Variants in SLC2A5 observed in about 807,000 individuals in gnomAD.
SLC2A5 encodes solute carrier family 2, facilitated glucose transporter member 5.
Under a neutral mutation model 50.3 loss-of-function variants are expected in SLC2A5, and 56 were observed. That is an observed-to-expected ratio of 1.11 (90% CI 0.90 to 1.39). The LOEUF is 1.39. SLC2A5 is among the 40% of genes most tolerant of loss of function. The pLI is 0.00. For missense variants in SLC2A5, 566 were observed against 650.1 expected (o/e 0.87, Z 1.41); for synonymous variants, 269 against 281.9 (o/e 0.95, Z 0.46).
intron 2 of SLC2A5, among the ~76,000 whole-genome samples, chr1:9,081,280 CCCCA>C (rs1642348828): frequency 1.4e-5 from 1 of 69,456 alleles, no homozygotes; most frequent in African/African-American, 8.2e-5. Flanking sequence ...AAAAAAAAAA[CCCCA>C]AAAAAAAAAA....
Position 9,038,656 on chromosome 1 carries a change from C to T in SLC2A5, c.1099-150G>A, listed in dbSNP as rs548434705. 9.4e-4 allele frequency: 1,179 copies of T among 1,255,032 alleles called. 22 individuals carry two copies. Among genetic ancestry groups the T allele is most frequent in the Non-Finnish European group, 7.9e-5 (71 of 901,138 alleles). 77.7% of individuals were successfully genotyped at this position (1,255,032 alleles called of 1,614,324 possible). On this transcript the variant is annotated intron_variant, in intron 9 of 11. Transcript: ENST00000377424. Reference sequence around the variant, plus strand: ...ATGAGCCACTGGGAAATCAGCTGAACGTGGGCTATGAGCTGGCAGGACACA... The same window carrying T: ...ATGAGCCACTGGGAAATCAGCTGAATGTGGGCTATGAGCTGGCAGGACACA...
chr1:9,071,944 G>A, upstream of SLC2A5: 1 of 161,592 alleles, frequency 6.2e-6, no homozygotes, highest in Non-Finnish European at 1.3e-5. Context: ...CTCTGCCTCA[G>A]CCCGGGTCCC....
At chr1:9,093,984 A>G in the SLC2A5 span, among the ~76,000 whole-genome samples, 1 of 152,170 alleles carries the variant, frequency 6.6e-6, no homozygotes, top group Admixed American at 6.6e-5. Flanking sequence ...AACTCCCTAG[A>G]ACACCTTAAG....
chr1:9,068,189 CAAAAAA>C (rs755203801), intron 1 of SLC2A5, among the ~76,000 whole-genome samples: 2 of 77,092 alleles, frequency 2.6e-5, no homozygotes, highest in Non-Finnish European at 5.0e-5. Context: ...GACTCTGTGT[CAAAAAA>C]AAAAAAAAAA....
At chr1:9,045,615 T>C (rs955715498) in intron 4 of SLC2A5, among the ~76,000 whole-genome samples, 2 of 152,084 alleles carry the variant, frequency 1.3e-5, no homozygotes, top group South Asian at 2.1e-4. Flanking sequence ...CGGCCGGGCA[T>C]GGTGGCTCAC....
chr1:9,065,427 T>A (rs1045792947), intron 1 of SLC2A5, among the ~76,000 whole-genome samples: 7 of 152,202 alleles, frequency 4.6e-5, no homozygotes, highest in Non-Finnish European at 8.8e-5. Context: ...AGTTCAAAGC[T>A]TTTCCTTGTT....
intron 3 of SLC2A5, among the ~76,000 whole-genome samples, chr1:9,055,985 A>T (rs1480503088): frequency 6.6e-6 from 1 of 152,220 alleles, no homozygotes; most frequent in Non-Finnish European, 1.5e-5. Flanking sequence ...AGTGTTTATC[A>T]GACTCCTAAG....
At chr1:9,055,246 G>C (rs144278044) in intron 3 of SLC2A5, among the ~76,000 whole-genome samples, 16 of 151,870 alleles carry the variant, frequency 1.1e-4, no homozygotes, top group Non-Finnish European at 2.1e-4. Context: ...AGCCGGGTGC[G>C]GTGGCTCACA....
upstream of SLC2A5, among the ~76,000 whole-genome samples, chr1:9,092,962 C>T (rs749969732): frequency 1.3e-5 from 2 of 152,174 alleles, no homozygotes; most frequent in South Asian, 2.1e-4. Flanking sequence ...GGCGCTCCCA[C>T]GTAAGCCTCT....
At chr1:9,070,414 C>T (rs17033224), upstream of SLC2A5, among the ~76,000 whole-genome samples, 514 of 152,098 alleles carry the variant, frequency 3.4e-3, 17 homozygotes, top group Admixed American at 0.026. Flanking sequence ...TCAGAATGAC[C>T]TAGGGATGTT....
chr1:9,066,034 T>C (rs1171587660), intron 1 of SLC2A5, among the ~76,000 whole-genome samples: 1 of 152,072 alleles, frequency 6.6e-6, no homozygotes, highest in Non-Finnish European at 1.5e-5. Context: ...GCCTGGTCTG[T>C]AGTAGGTGTT....
intron 1 of SLC2A5, among the ~76,000 whole-genome samples, chr1:9,067,184 T>C (rs1409770281): frequency 6.6e-6 from 1 of 152,094 alleles, no homozygotes; most frequent in East Asian, 1.9e-4. Context: ...CTTAATGATT[T>C]CCCGGATTCT....
upstream of SLC2A5, among the ~76,000 whole-genome samples, chr1:9,093,161 A>G (rs1438697297): frequency 1.3e-5 from 2 of 152,112 alleles, no homozygotes; most frequent in Non-Finnish European, 2.9e-5. Flanking sequence ...CCCTTCCTAC[A>G]GCCAGGAGAC....
At chr1:9,063,390 T>C (rs1314948638) in intron 1 of SLC2A5, among the ~76,000 whole-genome samples, 1 of 151,924 alleles carries the variant, frequency 6.6e-6, no homozygotes, top group East Asian at 1.9e-4. Context: ...GTTGTTGTTT[T>C]GAGACAGAGT....
rs1191768408 is a variant in SLC2A5, at chr1:9,035,738, G to T, written c.*1848C>A. ...AGACCATTTTCATGCTGCTGATAAA[G>T]ATGTATCAGAGACTGGGTAAATTGC... On this transcript the variant is annotated 3_prime_UTR_variant, in exon 12 of 12. Coordinates refer to ENST00000377424, the MANE Select transcript of SLC2A5 (RefSeq NM_003039.3). 1 of 152,200 alleles carries T rather than the reference G, an allele frequency of 6.6e-6. No homozygotes were observed. The highest frequency in any genetic ancestry group is 1.5e-5 in the Non-Finnish European group (1 of 68,062). 9.4% of individuals were successfully genotyped at this position (152,200 alleles called of 1,614,324 possible).
At chr1:9,079,510 G>C (rs1156459905) in intron 2 of SLC2A5, among the ~76,000 whole-genome samples, 1 of 152,166 alleles carries the variant, frequency 6.6e-6, no homozygotes, top group Non-Finnish European at 1.5e-5. Context: ...TGTTGAGACA[G>C]AGTCTCATTC....
chr1:9,081,283 C>CAAAA (rs1250033751), intron 2 of SLC2A5, among the ~76,000 whole-genome samples: 2 of 123,390 alleles, frequency 1.6e-5, no homozygotes, highest in African/African-American at 6.5e-5. Flanking sequence ...AAAAAAACCC[C>CAAAA]AAAAAAAAAA....
chr1:9,050,348 C>T (rs1010417366), intron 3 of SLC2A5, among the ~76,000 whole-genome samples: 2 of 151,718 alleles, frequency 1.3e-5, no homozygotes, highest in African/African-American at 4.8e-5. Flanking sequence ...GTCCCAGCTA[C>T]TGGAGAGGCT....
At chr1:9,052,681 C>T (rs2941660) in intron 3 of SLC2A5, among the ~76,000 whole-genome samples, 7,065 of 152,168 alleles carry the variant, frequency 0.046, 181 homozygotes, top group Middle Eastern at 0.15. Context: ...GTCTCTATAG[C>T]CTCTTCTCAA....
Sources: gnomAD v4.1 joint callset for allele counts (sites outside exome capture counted in the v4.1 genomes callset) on GRCh38, gnomAD v4.1.1 for gene constraint, MANE v1.5 for transcripts, NCBI Gene and HGNC (gene_info 2026-07-23, HGNC 2026-07-21) for gene names.